The following TMEM229B variants were observed in gnomAD, a reference collection of about 807,000 sequenced individuals.
TMEM229B encodes the protein chromosome 14 open reading frame 83.
TMEM229B carries 6 observed loss-of-function variants against 13.7 expected under a neutral mutation model. The ratio of observed to expected loss-of-function variants is 0.44; its 90% confidence interval spans 0.24 to 0.86. TMEM229B has a LOEUF of 0.86. Ranked by LOEUF, TMEM229B falls within the 40% of genes least tolerant of loss-of-function variation. TMEM229B has a pLI of 0.23. For missense variants in TMEM229B, 170 were observed against 236.0 expected (o/e 0.72, Z 1.83); for synonymous variants, 107 against 102.1 (o/e 1.05, Z -0.29).
intron 1 of TMEM229B, among the ~76,000 whole-genome samples, chr14:67,524,999 A>T (rs956138059): frequency 6.6e-6 from 1 of 152,170 alleles, no homozygotes; most frequent in Non-Finnish European, 1.5e-5. Flanking sequence ...GGCTTTATTG[A>T]GTTAGATGTC....
chr14:67,523,643 T>A (rs1255901665), intron 1 of TMEM229B, among the ~76,000 whole-genome samples: 1 of 152,268 alleles, frequency 6.6e-6, no homozygotes, highest in Non-Finnish European at 1.5e-5. Context: ...GGCCATGCTG[T>A]ATCTCTACCA....
At chr14:67,507,073 A>C (rs1309639566) in intron 1 of TMEM229B, among the ~76,000 whole-genome samples, 1 of 152,228 alleles carries the variant, frequency 6.6e-6, no homozygotes, top group Non-Finnish European at 1.5e-5. Context: ...TGAACAAAGA[A>C]GACGTGGTCC....
upstream of TMEM229B, among the ~76,000 whole-genome samples, chr14:67,516,793 T>C (rs977438805): frequency 2.6e-5 from 4 of 152,206 alleles, no homozygotes; most frequent in Non-Finnish European, 4.4e-5. Flanking sequence ...TCAAGCCATT[T>C]TTCTCAGAAG....
chr14:67,525,562 G>T (rs2033354358), intron 1 of TMEM229B, among the ~76,000 whole-genome samples: 1 of 152,196 alleles, frequency 6.6e-6, no homozygotes, highest in Admixed American at 6.5e-5. Context: ...AATTGTAGCT[G>T]AAGAAAGGAC....
chr14:67,508,388 T>C (rs976161064), intron 1 of TMEM229B, among the ~76,000 whole-genome samples: 1 of 152,050 alleles, frequency 6.6e-6, no homozygotes, highest in Admixed American at 6.6e-5. Context: ...AGAGAATATC[T>C]TGTCCAAATG....
intron 2 of TMEM229B, among the ~76,000 whole-genome samples, chr14:67,480,141 T>C (rs1417078772): frequency 1.3e-5 from 2 of 152,188 alleles, no homozygotes; most frequent in Non-Finnish European, 2.9e-5. Flanking sequence ...AAAGGGCAGC[T>C]GTCATTTCTG....
Position 67,472,404 on chromosome 14 carries a change from T to C in TMEM229B, c.*1016A>G, listed in dbSNP as rs1443984202. On this transcript the variant is annotated 3_prime_UTR_variant, in exon 3 of 3. Transcript: ENST00000554480. ...CTGGCTTTTCCCCACCAAACTGACT[T>C]GCCTCTAGGTCCCCACTGTGGATCC... 1 of 152,380 alleles carries C rather than the reference T, an allele frequency of 6.6e-6. No homozygotes were observed. The highest frequency in any genetic ancestry group is 1.5e-5 in the Non-Finnish European group (1 of 68,154). The allele number at this position is 152,380 out of a possible 1,614,324, so 9.4% of individuals were successfully genotyped here.
At chr14:67,525,258 T>A (rs1239486934) in intron 1 of TMEM229B, among the ~76,000 whole-genome samples, 2 of 152,142 alleles carry the variant, frequency 1.3e-5, no homozygotes, top group Admixed American at 1.3e-4. Flanking sequence ...ATGTATACAG[T>A]TTTACATAAA....
rs571343912 is a variant in TMEM229B at position 67,478,360 on chromosome 14, A to G, written c.-18-4419T>C. Among the ~76,000 whole-genome samples, 3 of 152,222 alleles carry G rather than the reference A, an allele frequency of 2.0e-5. No homozygotes were observed. The East Asian group carries it at 5.8e-4, about 29-fold the overall frequency. ...CTCCCACCCTTACCACCTCTTAAATATCTTTGGGATCCATCCCCTCCTCTT... is the reference window on the plus strand; with the variant it reads ...CTCCCACCCTTACCACCTCTTAAATGTCTTTGGGATCCATCCCCTCCTCTT... On this transcript the variant is annotated intron_variant, in intron 2 of 2. Transcript: ENST00000554480.
chr14:67,505,831 C>G (rs2032805765), intron 1 of TMEM229B, among the ~76,000 whole-genome samples: 1 of 151,966 alleles, frequency 6.6e-6, no homozygotes, highest in Non-Finnish European at 1.5e-5. Context: ...ATCAGCCTCC[C>G]TGGGATTACA....
At chr14:67,501,072 T>C (rs2032591779) in intron 1 of TMEM229B, among the ~76,000 whole-genome samples, 1 of 147,836 alleles carries the variant, frequency 6.8e-6, no homozygotes, top group African/African-American at 2.5e-5. Context: ...ATAATAATAA[T>C]AATAATAATA....
chr14:67,510,366 C>T (rs1454832730), intron 1 of TMEM229B, among the ~76,000 whole-genome samples: 6 of 152,100 alleles, frequency 3.9e-5, no homozygotes, highest in Non-Finnish European at 8.8e-5. Context: ...GAAGCCTTTG[C>T]CAACCATCAG....
At chr14:67,523,312 G>C (rs2033317656) in intron 1 of TMEM229B, among the ~76,000 whole-genome samples, 2 of 136,540 alleles carry the variant, frequency 1.5e-5, no homozygotes, top group Non-Finnish European at 3.1e-5. Context: ...TACAGAGTAA[G>C]ACTCCATCTC....
intron 2 of TMEM229B, among the ~76,000 whole-genome samples, chr14:67,480,536 G>A (rs1213820753): frequency 6.6e-6 from 1 of 152,150 alleles, no homozygotes; most frequent in Non-Finnish European, 1.5e-5. Context: ...CCCCGGGCAG[G>A]AGAGAACAGA....
intron 1 of TMEM229B, among the ~76,000 whole-genome samples, chr14:67,527,660 T>G (rs1192489247): frequency 6.6e-6 from 1 of 152,342 alleles, no homozygotes; most frequent in East Asian, 1.9e-4. Flanking sequence ...CAATGTGTTT[T>G]GTACCGCAGC....
chr14:67,507,447 G>A (rs1419527627), intron 1 of TMEM229B, among the ~76,000 whole-genome samples: 1 of 152,044 alleles, frequency 6.6e-6, no homozygotes, highest in African/African-American at 2.4e-5. Context: ...AAGAATCCTG[G>A]ACTGAAGCAG....
At chr14:67,521,564 A>G (rs1227514948) in intron 1 of TMEM229B, among the ~76,000 whole-genome samples, 2 of 152,138 alleles carry the variant, frequency 1.3e-5, no homozygotes, top group Non-Finnish European at 2.9e-5. Context: ...TTGTTTTTTC[A>G]TCATCAAAAA....
chr14:67,504,082 C>T (rs796918181), intron 1 of TMEM229B, among the ~76,000 whole-genome samples: 21 of 151,944 alleles, frequency 1.4e-4, no homozygotes, highest in African/African-American at 4.6e-4. Flanking sequence ...CGTGCGATCT[C>T]GGCTCACTGC....
At chr14:67,485,936 C>T (rs1207243894) in intron 2 of TMEM229B, among the ~76,000 whole-genome samples, 1 of 152,234 alleles carries the variant, frequency 6.6e-6, no homozygotes, top group Non-Finnish European at 1.5e-5. Context: ...CCCCCACCTC[C>T]CAGGGCCCTG....
Sources: allele counts gnomAD v4.1 joint callset (sites outside exome capture counted in the v4.1 genomes callset), GRCh38; gene constraint gnomAD v4.1.1; transcripts MANE v1.5; gene names NCBI Gene and HGNC (gene_info 2026-07-23, HGNC 2026-07-21).